Variants in INSYN2B observed in about 807,000 individuals in gnomAD.
INSYN2B encodes inhibitory synaptic factor family member 2B.
INSYN2B carries 16 observed loss-of-function variants against 41.2 expected under a neutral mutation model. That is an observed-to-expected ratio of 0.39 (90% confidence interval 0.26 to 0.59). INSYN2B has a LOEUF of 0.59. Among genes scored for constraint, INSYN2B ranks in the 20% least tolerant of loss-of-function variants. INSYN2B has a pLI of 0.57. For synonymous variants in INSYN2B, 245 were observed against 244.4 expected (o/e 1.00, Z -0.02); for missense variants, 608 against 646.4 (o/e 0.94, Z 0.64).
At chr5:169,904,315 T>C (rs761990577) in intron 1 of INSYN2B, among the ~76,000 whole-genome samples, 11 of 151,948 alleles carry the variant, frequency 7.2e-5, no homozygotes, top group Non-Finnish European at 1.6e-4. Flanking sequence ...GTCCCTTCCT[T>C]TTTCTTGCAA....
At chr5:169,878,863 G>A (rs186612623) in intron 3 of INSYN2B, among the ~76,000 whole-genome samples, 1 of 152,268 alleles carries the variant, frequency 6.6e-6, no homozygotes, top group African/African-American at 2.4e-5. Context: ...CAAAACCAAA[G>A]GATCCATTCA....
At chr5:169,914,203 C>T (rs1174915161) in intron 1 of INSYN2B, among the ~76,000 whole-genome samples, 1 of 152,160 alleles carries the variant, frequency 6.6e-6, no homozygotes, top group Non-Finnish European at 1.5e-5. Flanking sequence ...CCTAACTCTC[C>T]CCAGTTCCCA....
In INSYN2B at chr5:169,974,559, G is replaced by T. The variant is rs539813808; in HGVS notation, c.-919+5718C>A. Among the ~76,000 whole-genome samples, 3 of 152,274 alleles carry T rather than the reference G, an allele frequency of 2.0e-5. No homozygotes were observed. The South Asian group carries it at 6.2e-4, about 32-fold the overall frequency. On this transcript the variant is annotated intron_variant, in intron 1 of 3. Coordinates refer to ENST00000377365, the MANE Select transcript of INSYN2B (RefSeq NM_001129891.3). ...GTTGGGACACCTTTACCCACAGAAG[G>T]TTGACCTTGGTGTCATTTTACCCTG...
chr5:169,902,776 G>A (rs1248194643), intron 1 of INSYN2B, among the ~76,000 whole-genome samples: 1 of 152,166 alleles, frequency 6.6e-6, no homozygotes, highest in African/African-American at 2.4e-5. Flanking sequence ...CATTCTCCCA[G>A]AGCCCACAGA....
intron 1 of INSYN2B, among the ~76,000 whole-genome samples, chr5:169,960,421 T>C (rs1258467501): frequency 6.6e-6 from 1 of 152,226 alleles, no homozygotes; most frequent in East Asian, 1.9e-4. Context: ...TAATATGTCT[T>C]GTTTTTCAGC....
In INSYN2B at chr5:169,979,788, C is replaced by A. The variant is rs537088451; in HGVS notation, c.-919+489G>T. Among the ~76,000 whole-genome samples the A allele has an allele frequency of 2.6e-5, 4 of 152,294 alleles. No homozygotes were observed. In the South Asian group the frequency reaches 6.2e-4, roughly 24 times the overall value. On this transcript the variant is annotated intron_variant, in intron 1 of 3. Coordinates refer to ENST00000377365, the MANE Select transcript of INSYN2B (RefSeq NM_001129891.3). ...TAGTGAGAACTAAGAAATTAACAAG[C>A]TGGTAAAAGTAATTTTGATTGATCA... is the stretch of plus-strand genomic sequence containing the variant.
chr5:169,924,706 T>C (rs1300514782), intron 1 of INSYN2B, among the ~76,000 whole-genome samples: 1 of 152,238 alleles, frequency 6.6e-6, no homozygotes, highest in African/African-American at 2.4e-5. Flanking sequence ...AGAGGCTTTT[T>C]TTGAAGGAGG....
intron 1 of INSYN2B, among the ~76,000 whole-genome samples, chr5:169,907,294 AT>A (rs1164502164): frequency 1.3e-5 from 2 of 152,190 alleles, no homozygotes; most frequent in African/African-American, 2.4e-5. Context: ...AACACGCCCA[AT>A]TTTAGGAGAA....
In INSYN2B at chr5:169,882,711, A is replaced by C. The variant is rs1477142768; in HGVS notation, c.1188T>G (p.Ile396Met). The change falls in exon 2 of 4, where the codon ATT (isoleucine) becomes ATG (methionine). Residue 396 changes from isoleucine to methionine, a missense_variant. Physicochemically the swap from Ile to Met is conservative, Grantham distance 10. Transcript: ENST00000377365. ...CCAGGTGAATTTGATTAATGTCACT[A>C]ATCTCCCTGTTGCTCTGAAGTTTGG... is the stretch of plus-strand genomic sequence containing the variant. ...SETKLQSNRE[I>M]SDINQIHLAR... 3.2e-5 allele frequency: 50 copies of C among 1,551,886 alleles called. No individual in the cohort carries two copies. Among genetic ancestry groups the C allele is most frequent in the Non-Finnish European group, 3.8e-5 (44 of 1,147,040 alleles).
rs1046530607 is a variant in INSYN2B at position 169,861,514 on chromosome 5, A to G, written c.*2759T>C. 6.6e-6 allele frequency among the ~76,000 whole-genome samples: 1 copy of G among 152,198 alleles called. No individual in the cohort carries two copies. Among genetic ancestry groups the G allele is most frequent in the African/African-American group, 2.4e-5 (1 of 41,452 alleles). On this transcript the variant is annotated 3_prime_UTR_variant, in exon 4 of 4. Coordinates refer to ENST00000377365, the MANE Select transcript of INSYN2B (RefSeq NM_001129891.3). ...ACATAAACTCCTGCAATTTAAGTTG[A>G]TGTATTGGTCTTTTTCCTTTCAATT...
rs1772771040 is a variant in INSYN2B, at chr5:169,883,233, G to A, written c.666C>T (p.Ser222=). The A allele has an allele frequency of 6.4e-7, 1 of 1,551,510 alleles. No homozygotes were observed. The highest frequency in any genetic ancestry group is 8.7e-7 in the Non-Finnish European group (1 of 1,146,884). Residue 222 remains serine (S), a synonymous_variant, in exon 2 of 4, where the codon AGC becomes AGT. Transcript: ENST00000377365. ...PSWEARESAL[S]PDRSAEVSNS... ...TACTTACTTCAGCTGACCTGTCTGG[G>A]CTGAGAGCAGACTCTCTAGCTTCCC...
intron 1 of INSYN2B, among the ~76,000 whole-genome samples, chr5:169,949,856 C>G (rs1244948006): frequency 6.6e-6 from 1 of 151,756 alleles, no homozygotes; most frequent in East Asian, 1.9e-4. Flanking sequence ...TTTGAAGTGG[C>G]AAATGCAAAT....
At chr5:169,887,991 A>AT (rs1328937168) in intron 1 of INSYN2B, among the ~76,000 whole-genome samples, 1 of 152,190 alleles carries the variant, frequency 6.6e-6, no homozygotes, top group Non-Finnish European at 1.5e-5. Flanking sequence ...ATGAGTGGAC[A>AT]TTTTTTCACA....
chr5:169,950,513 C>T (rs1776617092), intron 1 of INSYN2B, among the ~76,000 whole-genome samples: 1 of 152,172 alleles, frequency 6.6e-6, no homozygotes, highest in Admixed American at 6.5e-5. Flanking sequence ...TTTTGGGCCA[C>T]ACAACATGGC....
chr5:169,926,254 C>G lies in INSYN2B; in HGVS notation c.-918-41438G>C, dbSNP rs556958762. 2.6e-5 allele frequency among the ~76,000 whole-genome samples: 4 copies of G among 152,330 alleles called. No homozygotes were observed. In the East Asian group the frequency reaches 7.7e-4, roughly 29 times the overall value. On this transcript the variant is annotated intron_variant, in intron 1 of 3. Coordinates refer to ENST00000377365, the MANE Select transcript of INSYN2B (RefSeq NM_001129891.3). ...GGAAGCCACTCACCTGATTGTCTCT[C>G]ACCTGCCACCTGCAGACCCTGCTCC...
chr5:169,907,427 T>C (rs1774344255), intron 1 of INSYN2B, among the ~76,000 whole-genome samples: 1 of 152,224 alleles, frequency 6.6e-6, no homozygotes. Flanking sequence ...TGGCTGATAA[T>C]TGGGCTCCTG....
At chr5:169,979,460 G>A (rs1009556019) in intron 1 of INSYN2B, among the ~76,000 whole-genome samples, 16 of 152,166 alleles carry the variant, frequency 1.1e-4, no homozygotes, top group African/African-American at 2.9e-4. Flanking sequence ...TGATTCTATC[G>A]CTGTATGACA....
At chr5:169,963,972 C>G (rs1777195585) in intron 1 of INSYN2B, among the ~76,000 whole-genome samples, 3 of 152,084 alleles carry the variant, frequency 2.0e-5, no homozygotes, top group Non-Finnish European at 2.9e-5. Flanking sequence ...GAGAGAACCA[C>G]TGCTTCAAGG....
chr5:169,882,976 G>A lies in INSYN2B; in HGVS notation c.923C>T (p.Thr308Ile). ...KETCVPSSPRTHSSPSQGSHS... is the reference protein window; with the variant it reads ...KETCVPSSPRIHSSPSQGSHS... Reference sequence around the variant, plus strand: ...GGAGCCTTGTGAGGGGGAACTGTGAGTCCGTGGAGATGAAGGAACACACGT... The same window carrying A: ...GGAGCCTTGTGAGGGGGAACTGTGAATCCGTGGAGATGAAGGAACACACGT... The change falls in exon 2 of 4, where the codon ACT becomes ATT. Residue 308 changes from threonine (T) to isoleucine (I), a missense_variant. Thr to Ile is a moderately conservative substitution (Grantham distance 89, BLOSUM62 -1). Transcript: ENST00000377365. 1 of 1,551,742 alleles carries A rather than the reference G, an allele frequency of 6.4e-7. No individual in the cohort carries two copies. Among genetic ancestry groups the A allele is most frequent in the Non-Finnish European group, 8.7e-7 (1 of 1,146,930 alleles).
Sources: allele counts gnomAD v4.1 joint callset (sites outside exome capture counted in the v4.1 genomes callset), GRCh38; gene constraint gnomAD v4.1.1; transcripts MANE v1.5; gene names NCBI Gene and HGNC (gene_info 2026-07-23, HGNC 2026-07-21).